ATF7: variants seen among roughly 807,000 people sequenced by gnomAD.
ATF7 encodes the protein activating transcription factor 7, also known as cyclic AMP-dependent transcription factor ATF-7.
In ATF7, 10 loss-of-function variants were observed where a neutral mutation model predicts 50.4. The observed-to-expected ratio is 0.20, with a 90% CI of 0.12 to 0.34. ATF7 has a LOEUF of 0.34. Ranked by LOEUF, ATF7 falls within the 10% of genes least tolerant of loss-of-function variation. The pLI, the probability that ATF7 is intolerant of heterozygous loss-of-function variation, is 1.00. For missense variants in ATF7, 465 were observed against 613.9 expected (o/e 0.76, Z 2.56); for synonymous variants, 201 against 226.4 (o/e 0.89, Z 1.01).
At position 53,523,525 on chromosome 12, in the gene ATF7, C is replaced by T. The variant is rs1938249143; in HGVS notation, c.1126-141G>A. 18 of 650,364 alleles carry T rather than the reference C, an allele frequency of 2.8e-5. No individual in the cohort carries two copies. The South Asian group carries it at 3.2e-4, about 12-fold the overall frequency. 40.3% of individuals were successfully genotyped at this position (650,364 alleles called of 1,614,324 possible). A position where few individuals can be genotyped will look rare whatever the true frequency, so the allele number is the denominator to read the frequency against. ...GGACAAGACTCCTGATCCAGCAAGGCTTCACAGAGCCCAGGGCCAGTATAG... is the reference window on the plus strand; with the variant it reads ...GGACAAGACTCCTGATCCAGCAAGGTTTCACAGAGCCCAGGGCCAGTATAG... On this transcript the variant is annotated intron_variant, in intron 10 of 11. Transcript: ENST00000420353.
At chr12:53,571,107 T>G (rs1225896131) in intron 2 of ATF7, among the ~76,000 whole-genome samples, 3 of 152,026 alleles carry the variant, frequency 2.0e-5, no homozygotes, top group Non-Finnish European at 2.9e-5. Context: ...AAAGGGAGAT[T>G]AGAAACACAC....
At chr12:53,548,905 A>C (rs923398544) in intron 3 of ATF7, among the ~76,000 whole-genome samples, 7 of 152,146 alleles carry the variant, frequency 4.6e-5, no homozygotes, top group African/African-American at 1.7e-4. Context: ...GGATGGCTTG[A>C]GTCCAAGAGT....
Position 53,592,032 on chromosome 12 carries a change from A to G in ATF7, c.48+8921T>C, listed in dbSNP as rs1408357541. On this transcript the variant is annotated intron_variant, in intron 2 of 11. Coordinates refer to ENST00000420353, the MANE Select transcript of ATF7 (RefSeq NM_006856.3). Reference sequence around the variant, plus strand: ...CTCAAAATCTGACATCGCTGATGTGAACAACAAGATTTAAAAGCTTGGAAT... The same window carrying G: ...CTCAAAATCTGACATCGCTGATGTGGACAACAAGATTTAAAAGCTTGGAAT... 2.0e-5 allele frequency among the ~76,000 whole-genome samples: 3 copies of G among 152,194 alleles called. No individual in the cohort carries two copies. In the East Asian group the frequency reaches 5.8e-4, roughly 29 times the overall value.
Position 53,514,919 on chromosome 12 carries a change from A to G in ATF7, c.*2218T>C, listed in dbSNP as rs1937626336. The G allele has an allele frequency of 6.6e-6, 1 of 152,186 alleles. No homozygotes were observed. Among genetic ancestry groups the G allele is most frequent in the Non-Finnish European group, 1.5e-5 (1 of 68,054 alleles). The allele number at this position is 152,186 out of a possible 1,614,324, so 9.4% of individuals were successfully genotyped here. Reference sequence around the variant, plus strand: ...GCAAGGCTGCTACTGGGAAATCAAGACAATAAAAAAATGAAACAAAACTCT... The same window carrying G: ...GCAAGGCTGCTACTGGGAAATCAAGGCAATAAAAAAATGAAACAAAACTCT... On this transcript the variant is annotated 3_prime_UTR_variant, in exon 12 of 12. Transcript: ENST00000420353.
At chr12:53,529,815 A>G (rs1337729601) in intron 9 of ATF7, among the ~76,000 whole-genome samples, 2 of 147,244 alleles carry the variant, frequency 1.4e-5, no homozygotes, top group South Asian at 2.1e-4. Flanking sequence ...ATCTCGGCTC[A>G]CTGCAGCCTC....
At chr12:53,517,388 T>A (rs760697488) in intron 11 of ATF7, 34 bp from the exon 12 acceptor site, 2 of 1,584,260 alleles carry the variant, frequency 1.3e-6, no homozygotes, top group Non-Finnish European at 1.7e-6. Context: ...CAGAGAGCAA[T>A]TGGTTAGAAA....
At chr12:53,558,554 T>C (rs542887183) in intron 2 of ATF7, among the ~76,000 whole-genome samples, 4 of 152,160 alleles carry the variant, frequency 2.6e-5, no homozygotes, top group South Asian at 2.1e-4. Context: ...ATACTTAGGA[T>C]AGGAAAATTA....
chr12:53,520,035 C>T (rs565773244), intron 11 of ATF7, among the ~76,000 whole-genome samples: 8 of 152,236 alleles, frequency 5.3e-5, no homozygotes, highest in African/African-American at 1.4e-4. Flanking sequence ...CGTGAGCCAC[C>T]GAGCAACAGG....
At chr12:53,523,127 A>G in intron 11 of ATF7, 149 bp downstream of exon 11, 1 of 596,874 alleles carries the variant, frequency 1.7e-6, no homozygotes, top group Non-Finnish European at 3.0e-6. Flanking sequence ...TTTTTTTTCT[A>G]GGTCTGGTTG....
chr12:53,543,571 G>C (rs1232646668), intron 3 of ATF7, 123 bp from the exon 4 acceptor site: 8 of 1,132,106 alleles, frequency 7.1e-6, no homozygotes, highest in Non-Finnish European at 9.7e-6. Context: ...TTGTGTTAGG[G>C]CAAATTTGCT....
At chr12:53,544,522 G>A (rs796732290) in intron 3 of ATF7, among the ~76,000 whole-genome samples, 46 of 152,300 alleles carry the variant, frequency 3.0e-4, no homozygotes, top group African/African-American at 9.6e-4. Flanking sequence ...TGAGATGGGT[G>A]TATCACTTGA....
chr12:53,570,182 G>A (rs1478042274), intron 2 of ATF7, among the ~76,000 whole-genome samples: 2 of 152,168 alleles, frequency 1.3e-5, no homozygotes, highest in African/African-American at 4.8e-5. Context: ...TCTCACCAGA[G>A]ACATTTGGGA....
At chr12:53,568,522 A>T (rs150896473) in intron 2 of ATF7, among the ~76,000 whole-genome samples, 1 of 152,344 alleles carries the variant, frequency 6.6e-6, no homozygotes, top group African/African-American at 2.4e-5. Flanking sequence ...CGGAAACCAC[A>T]GAAGAGGTTG....
intron 2 of ATF7, among the ~76,000 whole-genome samples, chr12:53,567,393 G>A (rs373643032): frequency 1.3e-5 from 2 of 152,240 alleles, no homozygotes; most frequent in Admixed American, 6.5e-5. Flanking sequence ...TTGGAAACTG[G>A]GGCAGTTAAA....
At chr12:53,598,688 T>A (rs1300757723) in intron 2 of ATF7, among the ~76,000 whole-genome samples, 2 of 152,230 alleles carry the variant, frequency 1.3e-5, no homozygotes, top group Admixed American at 1.3e-4. Flanking sequence ...GATACTACTC[T>A]TTTCTGATAA....
intron 1 of ATF7, among the ~76,000 whole-genome samples, chr12:53,603,737 A>C (rs993305587): frequency 6.6e-6 from 1 of 151,798 alleles, no homozygotes. Context: ...AAAAAAAAAC[A>C]CAGCTAACAC....
At chr12:53,584,627 C>T (rs1207908409) in intron 2 of ATF7, among the ~76,000 whole-genome samples, 2 of 152,100 alleles carry the variant, frequency 1.3e-5, no homozygotes, top group African/African-American at 4.8e-5. Flanking sequence ...TGCCAAATCT[C>T]GGAAGCAATG....
intron 1 of ATF7, among the ~76,000 whole-genome samples, chr12:53,616,591 T>TA (rs1207912725): frequency 6.6e-6 from 1 of 152,148 alleles, no homozygotes; most frequent in Non-Finnish European, 1.5e-5. Flanking sequence ...AAAGAAACTT[T>TA]ATGCACATTC....
intron 2 of ATF7, among the ~76,000 whole-genome samples, chr12:53,564,921 G>C (rs1351966): frequency 6.6e-6 from 1 of 151,744 alleles, no homozygotes; most frequent in Admixed American, 6.6e-5. Context: ...TATTGTTGGC[G>C]TTAGTATATT....
Sources: gnomAD v4.1 joint callset for allele counts (sites outside exome capture counted in the v4.1 genomes callset) on GRCh38, gnomAD v4.1.1 for gene constraint, MANE v1.5 for transcripts, NCBI Gene and HGNC (gene_info 2026-07-23, HGNC 2026-07-21) for gene names.